The following TLL2 variants were observed in gnomAD, a reference collection of about 807,000 sequenced individuals.
TLL2 encodes tolloid-like protein 2.
In TLL2, 106 loss-of-function variants were observed where a neutral mutation model predicts 123.0. The observed-to-expected ratio is 0.86, with a 90% CI of 0.74 to 1.01. The LOEUF is 1.01. Ranked by LOEUF, TLL2 falls within the 50% of genes least tolerant of loss-of-function variation. The pLI, the probability that TLL2 is intolerant of heterozygous loss-of-function variation, is 0.00. For synonymous variants in TLL2, 494 were observed against 516.8 expected (o/e 0.96, Z 0.60); for missense variants, 1,332 against 1,336.7 (o/e 1.00, Z 0.06).
At chr10:96,481,330 G>C (rs1847309957) in intron 1 of TLL2, among the ~76,000 whole-genome samples, 1 of 151,868 alleles carries the variant, frequency 6.6e-6, no homozygotes, top group Admixed American at 6.6e-5. Flanking sequence ...AATTTTTTTT[G>C]TACAGACAGG....
intron 8 of TLL2, 28 bp downstream of exon 8, chr10:96,413,164 G>T: frequency 1.2e-6 from 2 of 1,612,366 alleles, no homozygotes; most frequent in South Asian, 1.1e-5. Context: ...CTAGGGAGGT[G>T]CTGGCAGTCC....
intron 17 of TLL2, among the ~76,000 whole-genome samples, chr10:96,377,419 A>G (rs573583960): frequency 6.6e-6 from 1 of 152,356 alleles, no homozygotes; most frequent in East Asian, 1.9e-4. Flanking sequence ...TGGTCCCACA[A>G]CTTGTTCAAT....
chr10:96,412,229 C>A (rs1247441841), intron 8 of TLL2, among the ~76,000 whole-genome samples: 1 of 152,140 alleles, frequency 6.6e-6, no homozygotes, highest in African/African-American at 2.4e-5. Flanking sequence ...CCCACGCAGC[C>A]CTTTGCATCC....
Position 96,421,493 on chromosome 10 carries a change from G to A in TLL2, c.818-432C>T, listed in dbSNP as rs1051111657. Among the ~76,000 whole-genome samples, 4 of 150,224 alleles carry A rather than the reference G, an allele frequency of 2.7e-5. No individual in the cohort carries two copies. In the South Asian group the frequency reaches 6.3e-4, roughly 24 times the overall value. On this transcript the variant is annotated intron_variant, in intron 6 of 20. Transcript: ENST00000357947. Reference sequence around the variant, plus strand: ...AGCCTGGCCAACATGGCGAAACACCGTCTCTACTAAAAATACAAAAATTAG... The same window carrying A: ...AGCCTGGCCAACATGGCGAAACACCATCTCTACTAAAAATACAAAAATTAG...
Position 96,513,759 on chromosome 10 carries a change from C to T in TLL2, c.-74G>A. 1.4e-6 allele frequency: 2 copies of T among 1,394,582 alleles called. No homozygotes were observed. Among genetic ancestry groups the T allele is most frequent in the Non-Finnish European group, 1.9e-6 (2 of 1,068,874 alleles). The allele number at this position is 1,394,582 out of a possible 1,614,324, so 86.4% of individuals were successfully genotyped here. ...CAGCTCGGCCGAAAGACGGCGCACA[C>T]TGGGTCGGTCGGCTCCGGCCGGGAC... On this transcript the variant is annotated 5_prime_UTR_variant, in exon 1 of 21. It adds an upstream start codon to the 5' untranslated region. Coordinates refer to ENST00000357947, the MANE Select transcript of TLL2 (RefSeq NM_012465.4).
chr10:96,441,067 G>A (rs1399867746), intron 3 of TLL2, among the ~76,000 whole-genome samples: 4 of 152,214 alleles, frequency 2.6e-5, no homozygotes, highest in African/African-American at 9.7e-5. Flanking sequence ...TAAATTCTCT[G>A]GCTCTGGGAG....
chr10:96,387,322 G>A (rs3789943), intron 13 of TLL2, among the ~76,000 whole-genome samples: 48,854 of 152,090 alleles, frequency 0.32, 9,689 homozygotes, highest in Non-Finnish European at 0.45. Flanking sequence ...CCAAGAGAAG[G>A]CCAGGCCTGG....
In TLL2 at chr10:96,413,276, T is replaced by C. The variant is rs777929262; in HGVS notation, c.964A>G (p.Asn322Asp). Residue 322 changes from asparagine (N) to aspartate (D), a missense_variant, in exon 8 of 21, where the codon AAT (asparagine) becomes GAT (aspartate). Transcript: ENST00000357947. ...LDTILPRQDD[N>D]GVRPTIGQRV... The stretch of plus-strand genomic sequence containing the variant: ...TGGCCAATGGTTGGCCTGACGCCAT[T>C]GTCATCTTGACGGGGAAGGATGGTG... The C allele has an allele frequency of 6.2e-7, 1 of 1,614,104 alleles. No individual in the cohort carries two copies. Among genetic ancestry groups the C allele is most frequent in the Non-Finnish European group, 8.5e-7 (1 of 1,179,944 alleles).
intron 1 of TLL2, among the ~76,000 whole-genome samples, chr10:96,501,979 T>C (rs1847537321): frequency 6.6e-6 from 1 of 152,150 alleles, no homozygotes; most frequent in African/African-American, 2.4e-5. Flanking sequence ...CTCACATCAG[T>C]AATAGACCCA....
Position 96,418,799 on chromosome 10 carries a change from A to C in TLL2, c.923+2157T>G, listed in dbSNP as rs1350558623. ...TTAAATGAATATTGATTTCATTTGAATATATAAATTATATGAATATATAAA... is the reference window on the plus strand; with the variant it reads ...TTAAATGAATATTGATTTCATTTGACTATATAAATTATATGAATATATAAA... On this transcript the variant is annotated intron_variant, in intron 7 of 20. Coordinates refer to ENST00000357947, the MANE Select transcript of TLL2 (RefSeq NM_012465.4). Among the ~76,000 whole-genome samples the C allele has an allele frequency of 2.0e-5, 3 of 148,226 alleles. No homozygotes were observed. The East Asian group carries it at 5.8e-4, about 29-fold the overall frequency.
At chr10:96,508,940 C>A (rs905702609) in intron 1 of TLL2, among the ~76,000 whole-genome samples, 1 of 152,004 alleles carries the variant, frequency 6.6e-6, no homozygotes, top group Non-Finnish European at 1.5e-5. Flanking sequence ...GGGCTTGTGG[C>A]CGTGATGGAA....
At chr10:96,463,526 A>T (rs1847101099) in intron 2 of TLL2, among the ~76,000 whole-genome samples, 1 of 152,222 alleles carries the variant, frequency 6.6e-6, no homozygotes, top group South Asian at 2.1e-4. Context: ...AAAGGGCAGA[A>T]GGATCCTGTT....
chr10:96,469,763 T>C (rs1847161329), intron 2 of TLL2, among the ~76,000 whole-genome samples: 1 of 152,254 alleles, frequency 6.6e-6, no homozygotes, highest in Non-Finnish European at 1.5e-5. Context: ...GTTACTGCTG[T>C]ATCCTTGGTG....
chr10:96,430,552 T>C (rs557917693), intron 4 of TLL2, among the ~76,000 whole-genome samples: 1 of 152,326 alleles, frequency 6.6e-6, no homozygotes, highest in South Asian at 2.1e-4. Context: ...GATGGTATCA[T>C]ATTGTTGTCC....
At position 96,476,240 on chromosome 10, in the gene TLL2, A is replaced by ATATATATATATATTCTTTTTTTTTTTT; in HGVS notation, c.286+4108_286+4109insAAAAAAAAAAAAGAATATATATATATA. Among the ~76,000 whole-genome samples, 5 of 20,498 alleles carry ATATATATATATATTCTTTTTTTTTTTT rather than the reference A, an allele frequency of 2.4e-4. 1 individual carries two copies. Among genetic ancestry groups the ATATATATATATATTCTTTTTTTTTTTT allele is most frequent in the African/African-American group, 8.7e-4 (5 of 5,754 alleles). The allele number at this position is 20,498 out of a possible 152,430, so 13.4% of individuals were successfully genotyped here. A position where few individuals can be genotyped will look rare whatever the true frequency, so the allele number is the denominator to read the frequency against. ...TTTATATGTATATATATATATATAT[A>ATATATATATATATTCTTTTTTTTTTTT]TTTTATTTTTGTTGTTGTTGTTGTT... is the stretch of plus-strand genomic sequence containing the variant. On this transcript the variant is annotated intron_variant, in intron 2 of 20. Coordinates refer to ENST00000357947, the MANE Select transcript of TLL2 (RefSeq NM_012465.4).
chr10:96,415,344 C>A (rs1846543983), intron 7 of TLL2, among the ~76,000 whole-genome samples: 1 of 152,156 alleles, frequency 6.6e-6, no homozygotes, highest in African/African-American at 2.4e-5. Flanking sequence ...ATTCATTCTC[C>A]AAAACCCCAT....
In TLL2 at chr10:96,374,952, C is replaced by G. The variant is rs182066838; in HGVS notation, c.2449-1143G>C. Among the ~76,000 whole-genome samples, 6 of 63,210 alleles carry G rather than the reference C, an allele frequency of 9.5e-5. No individual in the cohort carries two copies. In the East Asian group the frequency reaches 6.8e-3, roughly 72 times the overall value. The allele number at this position is 63,210 out of a possible 152,430, so 41.5% of individuals were successfully genotyped here. On this transcript the variant is annotated intron_variant, in intron 18 of 20. Transcript: ENST00000357947. ...CAAATGACAGAGCAGGGAGACAGGA[C>G]ATTAGTTGCGGGGGGGGGGGGGGGG...
At chr10:96,373,360 C>A (rs1265742612) in intron 19 of TLL2, 2 of 433,190 alleles carry the variant, frequency 4.6e-6, no homozygotes, top group Non-Finnish European at 8.6e-6. Context: ...AGGCTGGTCT[C>A]GAACTCCTGA....
intron 2 of TLL2, among the ~76,000 whole-genome samples, chr10:96,478,736 C>A (rs1159445146): frequency 1.3e-5 from 2 of 152,122 alleles, no homozygotes; most frequent in African/African-American, 4.8e-5. Flanking sequence ...CTGTACGACT[C>A]CATGCAGGTA....
Sources: allele counts gnomAD v4.1 joint callset (sites outside exome capture counted in the v4.1 genomes callset), GRCh38; gene constraint gnomAD v4.1.1; transcripts MANE v1.5; gene names NCBI Gene and HGNC (gene_info 2026-07-23, HGNC 2026-07-21).